The following RUNX1T1 variants were observed in gnomAD, a reference collection of about 807,000 sequenced individuals.
RUNX1T1 encodes RUNX1 partner transcriptional co-repressor 1, also known as protein CBFA2T1.
In RUNX1T1, 4 loss-of-function variants were observed where a neutral mutation model predicts 62.8. That is an observed-to-expected ratio of 0.06 (90% CI 0.03 to 0.15). RUNX1T1 has a LOEUF of 0.15. RUNX1T1 is among the 10% of genes least tolerant of loss of function. The pLI, the probability that RUNX1T1 is intolerant of heterozygous loss-of-function variation, is 1.00. For synonymous variants in RUNX1T1, 291 were observed against 286.0 expected, an observed-to-expected ratio of 1.02 and a Z score of -0.18; for missense variants, 508 against 754.3, an observed-to-expected ratio of 0.67 and a Z score of 3.82.
At chr8:92,024,726 C>T (rs772262190) in intron 1 of RUNX1T1, among the ~76,000 whole-genome samples, 1 of 152,072 alleles carries the variant, frequency 6.6e-6, no homozygotes, top group Non-Finnish European at 1.5e-5. Flanking sequence ...TGGCTTTCCT[C>T]GCTTCTCCTT....
intron 9 of RUNX1T1, among the ~76,000 whole-genome samples, chr8:91,971,968 A>G (rs1812933139): frequency 6.6e-6 from 1 of 152,146 alleles, no homozygotes; most frequent in African/African-American, 2.4e-5. Context: ...TCAAAGCAAA[A>G]TGACAATGAT....
At position 92,022,477 on chromosome 8, in the gene RUNX1T1, T is replaced by C. The variant is rs1040723010; in HGVS notation, c.8-5114A>G. Among the ~76,000 whole-genome samples, 16 of 152,286 alleles carry C rather than the reference T, an allele frequency of 1.1e-4. 1 individual carries two copies. The highest frequency in any genetic ancestry group is 9.8e-4 in the Admixed American group (15 of 15,302). On this transcript the variant is annotated intron_variant, in intron 1 of 10. Transcript: ENST00000396218. Reference sequence around the variant, plus strand: ...TGATAATATTAAGAACTGGGGCCTTTGGGAGGCACTCAGCCCATAAGGGCT... The same window carrying C: ...TGATAATATTAAGAACTGGGGCCTTCGGGAGGCACTCAGCCCATAAGGGCT...
intron 8 of RUNX1T1, among the ~76,000 whole-genome samples, chr8:91,978,460 A>G (rs1336521212): frequency 6.6e-6 from 1 of 152,188 alleles, no homozygotes; most frequent in African/African-American, 2.4e-5. Flanking sequence ...GAATGGCTAT[A>G]TAATTATTTC....
intron 6 of RUNX1T1, among the ~76,000 whole-genome samples, chr8:91,988,795 T>C (rs1010756797): frequency 1.3e-5 from 2 of 152,306 alleles, no homozygotes; most frequent in East Asian, 3.9e-4. Context: ...TTTAAAAAAA[T>C]ATTAAGTGCA....
Position 92,087,998 on chromosome 8 carries a change from A to C in RUNX1T1, c.-86+11582T>G, listed in dbSNP as rs538544084. On this transcript the variant is annotated intron_variant, in intron 1 of 11. Transcript: ENST00000265814. ...CCTTTATTTAAACAAAAGGATGAGAATTCATTGTCCACATTTGTTTCTCAT... is the reference window on the plus strand; with the variant it reads ...CCTTTATTTAAACAAAAGGATGAGACTTCATTGTCCACATTTGTTTCTCAT... Among the ~76,000 whole-genome samples, 29 of 152,344 alleles carry C rather than the reference A, an allele frequency of 1.9e-4. 1 individual carries two copies. The South Asian group carries it at 5.6e-3, about 29-fold the overall frequency.
At chr8:92,016,206 GT>G (rs1822964053) in intron 2 of RUNX1T1, among the ~76,000 whole-genome samples, 2 of 152,136 alleles carry the variant, frequency 1.3e-5, no homozygotes, top group Admixed American at 1.3e-4. Context: ...TATTAAAACA[GT>G]TACTCACTAT....
intron 6 of RUNX1T1, among the ~76,000 whole-genome samples, chr8:91,991,164 CCATATCA>C (rs1341329443): frequency 6.6e-6 from 1 of 151,904 alleles, no homozygotes; most frequent in African/African-American, 2.4e-5. Flanking sequence ...AGATAGCATG[CCATATCA>C]CACTTTGGAA....
At chr8:92,034,415 AC>A (rs1297131863) in intron 1 of RUNX1T1, among the ~76,000 whole-genome samples, 1 of 152,122 alleles carries the variant, frequency 6.6e-6, no homozygotes, top group Non-Finnish European at 1.5e-5. Flanking sequence ...AAGCAGTTTC[AC>A]TAAAAGTTGA....
chr8:91,992,871 T>G (rs1338831527), intron 5 of RUNX1T1, among the ~76,000 whole-genome samples: 6 of 152,222 alleles, frequency 3.9e-5, no homozygotes, highest in Admixed American at 3.3e-4. Flanking sequence ...TAGTCACGAT[T>G]CCTTGATTCT....
At chr8:92,010,978 A>G (rs1296315633) in intron 4 of RUNX1T1, 24 bp downstream of exon 5, 3 of 1,330,664 alleles carry the variant, frequency 2.3e-6, no homozygotes, top group Non-Finnish European at 3.3e-6. Context: ...AAAATACTTT[A>G]CAGACCAGTG....
chr8:92,035,114 G>T (rs28373051), intron 1 of RUNX1T1, among the ~76,000 whole-genome samples: 18 of 151,724 alleles, frequency 1.2e-4, no homozygotes, highest in African/African-American at 4.4e-4. Flanking sequence ...GGCCAACGTG[G>T]TGAAACGCCG....
intron 8 of RUNX1T1, chr8:91,977,474 A>C (rs1378336568): frequency 5.2e-6 from 1 of 192,594 alleles, no homozygotes; most frequent in Non-Finnish European, 1.1e-5. Context: ...TGCATAAACA[A>C]CCTAAAAGGA....
chr8:91,990,644 A>G (rs1321596358), intron 6 of RUNX1T1, among the ~76,000 whole-genome samples: 1 of 135,864 alleles, frequency 7.4e-6, no homozygotes, highest in Non-Finnish European at 1.6e-5. Context: ...ATGCTTTACT[A>G]CTTTTTTTTT....
exon 6 of RUNX1T1, chr8:91,991,692 T>G: frequency 6.2e-7 from 1 of 1,613,984 alleles, no homozygotes; most frequent in South Asian, 1.1e-5. Context: ...TCGATAGGAG[T>G]CCCTGTAGTG....
chr8:91,963,246 G>A (rs1428363578), intron 10 of RUNX1T1, among the ~76,000 whole-genome samples: 2 of 152,018 alleles, frequency 1.3e-5, no homozygotes, highest in Non-Finnish European at 2.9e-5. Flanking sequence ...TCATTCTCAA[G>A]TTGTTTGATA....
upstream of RUNX1T1, among the ~76,000 whole-genome samples, chr8:92,100,792 G>A (rs921434031): frequency 1.4e-4 from 21 of 152,130 alleles, no homozygotes; most frequent in Admixed American, 1.1e-3. Flanking sequence ...TAAAAGAGAG[G>A]GAAATCCACA....
intron 1 of RUNX1T1, among the ~76,000 whole-genome samples, chr8:92,032,723 G>A (rs1258700963): frequency 6.6e-6 from 1 of 152,118 alleles, no homozygotes; most frequent in Non-Finnish European, 1.5e-5. Context: ...AGGCTCCAGT[G>A]AGCTATGATC....
intron 1 of RUNX1T1, among the ~76,000 whole-genome samples, chr8:92,044,785 A>G (rs1030304727): frequency 6.6e-6 from 1 of 152,242 alleles, no homozygotes; most frequent in Non-Finnish European, 1.5e-5. Context: ...AAAGGAGGGA[A>G]GATGAGAAAA....
chr8:92,022,986 C>T (rs1299297894), intron 1 of RUNX1T1, among the ~76,000 whole-genome samples: 1 of 152,178 alleles, frequency 6.6e-6, no homozygotes, highest in East Asian at 1.9e-4. Flanking sequence ...CCTCTTCCCA[C>T]AATCTTTGGG....
Sources: gnomAD v4.1 joint callset for allele counts (sites outside exome capture counted in the v4.1 genomes callset) on GRCh38, gnomAD v4.1.1 for gene constraint, MANE v1.5 for transcripts, NCBI Gene and HGNC (gene_info 2026-07-23, HGNC 2026-07-21) for gene names.